The following TMEM255B variants were observed in gnomAD, a reference collection of about 807,000 sequenced individuals.
TMEM255B encodes family with sequence similarity 70, member B.
Under a neutral mutation model 34.5 loss-of-function variants are expected in TMEM255B, and 35 were observed. That is an observed-to-expected ratio of 1.01 (90% CI 0.77 to 1.34). The LOEUF (loss-of-function observed/expected upper bound fraction) is 1.34. TMEM255B is among the 40% of genes most tolerant of loss of function. The pLI is 0.00. For missense variants in TMEM255B, 432 were observed against 433.2 expected (o/e 1.00, Z 0.02); for synonymous variants, 206 against 201.2 (o/e 1.02, Z -0.20).
chr13:113,812,921 T>G lies in TMEM255B; in HGVS notation c.*1018T>G, dbSNP rs1400189595. ...GGGTGAGTCACAGGCCCCGGGTGAG[T>G]CACGGGTCCCGGGTGGGTCACGGGT... On this transcript the variant is annotated 3_prime_UTR_variant, in exon 9 of 9. Transcript: ENST00000375353. 1 of 111,890 alleles carries G rather than the reference T, an allele frequency of 8.9e-6. No homozygotes were observed. The allele number at this position is 111,890 out of a possible 1,614,324, so 6.9% of individuals were successfully genotyped here. A position where few individuals can be genotyped will look rare whatever the true frequency, so the allele number is the denominator to read the frequency against.
At position 113,811,708 on chromosome 13, in the gene TMEM255B, A is replaced by G. The variant is rs983127887; in HGVS notation, c.814-28A>G. 6 of 1,612,320 alleles carry G rather than the reference A, an allele frequency of 3.7e-6. No individual in the cohort carries two copies. The African/African-American group carries it at 8.0e-5, about 22-fold the overall frequency. On this transcript the variant is annotated intron_variant, in intron 8 of 8. Coordinates refer to ENST00000375353, the MANE Select transcript of TMEM255B (RefSeq NM_182614.4). The stretch of plus-strand genomic sequence containing the variant: ...CCGGCACGGGGTGGTCTCACCTGCT[A>G]ACCCAGGGCCCTCTCTGTTTATTGC...
intron 5 of TMEM255B, among the ~76,000 whole-genome samples, chr13:113,800,301 C>G (rs1484223287): frequency 7.1e-4 from 69 of 97,100 alleles, no homozygotes; most frequent in Admixed American, 1.5e-3. Context: ...GAGGCGTCCT[C>G]TGTGTGTGTG....
chr13:113,790,993 T>G (rs1490199758), intron 3 of TMEM255B, among the ~76,000 whole-genome samples: 1 of 152,260 alleles, frequency 6.6e-6, no homozygotes, highest in Non-Finnish European at 1.5e-5. Flanking sequence ...GGAAGTGTTA[T>G]GCATGACCAA....
At chr13:113,787,284 A>G (rs753689529) in intron 3 of TMEM255B, among the ~76,000 whole-genome samples, 45 of 152,200 alleles carry the variant, frequency 3.0e-4, no homozygotes, top group African/African-American at 3.4e-4. Context: ...TCACTTATTT[A>G]TTAGCATTTG....
chr13:113,759,316 G>C lies in TMEM255B; in HGVS notation c.46+1G>C. The C allele has an allele frequency of 8.1e-7, 1 of 1,229,582 alleles. No homozygotes were observed. The highest frequency in any genetic ancestry group is 3.2e-5 in the East Asian group (1 of 31,584). 76.2% of individuals were successfully genotyped at this position (1,229,582 alleles called of 1,614,324 possible). ...CCCCTGGGCCTGCTGGACCCCGCAG[G>C]TGAGCGCGGGGCTGGGGGCTCGTCT... On this transcript the variant is annotated splice_donor_variant, in intron 1 of 8. Transcript: ENST00000375353. LOFTEE classifies it high-confidence loss of function.
At position 113,812,237 on chromosome 13, in the gene TMEM255B, C is replaced by G. The variant is rs9577878; in HGVS notation, c.*334C>G. On this transcript the variant is annotated 3_prime_UTR_variant, in exon 9 of 9. Transcript: ENST00000375353. ...AGCTATTATTATGATTTTGCAAAGA[C>G]AGTGCAGCCCCGGCCTCCCTGCCTG... 27,590 of 336,574 alleles carry G rather than the reference C, an allele frequency of 0.082. 1,354 individuals are homozygous for G. The highest frequency in any genetic ancestry group is 0.15 in the Admixed American group (3,197 of 21,616). 20.8% of individuals were successfully genotyped at this position (336,574 alleles called of 1,614,324 possible).
At chr13:113,800,091 TGTGTGG>T (rs2051016517) in intron 5 of TMEM255B, 2 of 1,130,578 alleles carry the variant, frequency 1.8e-6, no homozygotes, top group Non-Finnish European at 2.2e-6. Flanking sequence ...TATGTGTGTG[TGTGTGG>T]GGGGGGGTAG....
intron 1 of TMEM255B, among the ~76,000 whole-genome samples, chr13:113,762,830 G>A (rs1486292164): frequency 6.6e-6 from 1 of 152,212 alleles, no homozygotes; most frequent in East Asian, 1.9e-4. Flanking sequence ...CGAAGCAGAC[G>A]CTGAGTCATC....
intron 4 of TMEM255B, among the ~76,000 whole-genome samples, chr13:113,798,524 GGATGGAT>G (rs1335482043): frequency 3.3e-5 from 5 of 151,480 alleles, no homozygotes; most frequent in African/African-American, 1.2e-4. Context: ...ATGAATGGAA[GGATGGAT>G]GATGGATGTG....
intron 2 of TMEM255B, 131 bp downstream of exon 2, chr13:113,766,388 G>A: frequency 7.6e-7 from 1 of 1,319,618 alleles, no homozygotes; most frequent in Non-Finnish European, 1.1e-6. Context: ...CTTGTGGTCG[G>A]CAGGGTTATG....
At position 113,769,220 on chromosome 13, in the gene TMEM255B, G is replaced by A; in HGVS notation, c.252+60G>A. 1 of 1,580,476 alleles carries A rather than the reference G, an allele frequency of 6.3e-7. No homozygotes were observed. Among genetic ancestry groups the A allele is most frequent in the Non-Finnish European group, 8.7e-7 (1 of 1,149,802 alleles). On this transcript the variant is annotated intron_variant, in intron 3 of 8. Transcript: ENST00000375353. The surrounding 1 kb of genome is among the most constrained non-coding windows in gnomAD (Gnocchi z 4.2). ...TCCCTCATCAGGGGATGGTACAGCT[G>A]CACTGGGGCTCTGAGAAGAGTCAGC...
rs539468261 is a variant in TMEM255B at position 113,774,771 on chromosome 13, A to C, written c.252+5611A>C. Among the ~76,000 whole-genome samples the C allele has an allele frequency of 4.0e-3, 567 of 142,716 alleles. 2 individuals carry two copies. Among genetic ancestry groups the C allele is most frequent in the African/African-American group, 0.014 (536 of 38,048 alleles). 93.6% of individuals were successfully genotyped at this position (142,716 alleles called of 152,430 possible). A position where few individuals can be genotyped will look rare whatever the true frequency, so the allele number is the denominator to read the frequency against. On this transcript the variant is annotated intron_variant, in intron 3 of 8. Coordinates refer to ENST00000375353, the MANE Select transcript of TMEM255B (RefSeq NM_182614.4). ...ACTACACACACCACACACCACACAC[A>C]ACACACAATACACAATACACGCTCC...
intron 1 of TMEM255B, among the ~76,000 whole-genome samples, chr13:113,765,084 A>G (rs1221443616): frequency 6.6e-6 from 1 of 152,186 alleles, no homozygotes; most frequent in Non-Finnish European, 1.5e-5. Context: ...AAAGCGATTT[A>G]GGATGAGATT....
intron 3 of TMEM255B, among the ~76,000 whole-genome samples, chr13:113,793,640 G>A (rs1022154087): frequency 4.6e-5 from 7 of 152,344 alleles, no homozygotes; most frequent in Middle Eastern, 3.4e-3. Context: ...AGGTGGCATC[G>A]GTGACTGCCA....
At position 113,812,062 on chromosome 13, in the gene TMEM255B, C is replaced by A; in HGVS notation, c.*159C>A. 1.0e-6 allele frequency: 1 copy of A among 986,258 alleles called. No individual in the cohort carries two copies. The highest frequency in any genetic ancestry group is 1.5e-6 in the Non-Finnish European group (1 of 680,276). 61.1% of individuals were successfully genotyped at this position (986,258 alleles called of 1,614,324 possible). A position where few individuals can be genotyped will look rare whatever the true frequency, so the allele number is the denominator to read the frequency against. On this transcript the variant is annotated 3_prime_UTR_variant, in exon 9 of 9. Coordinates refer to ENST00000375353, the MANE Select transcript of TMEM255B (RefSeq NM_182614.4). ...TCCCTGGGCACACTGGTGAGGGAGG[C>A]TGGAACCAGGCAGGGAGTGGGGCCC...
chr13:113,810,753 C>T lies in TMEM255B; in HGVS notation c.814-983C>T, dbSNP rs184797976. On this transcript the variant is annotated intron_variant, in intron 8 of 8. Transcript: ENST00000375353. ...CGTGTCCAGGGGCTGAGGCACTGTA[C>T]GCAAGGGTGTCAATCACACCTGAAG... Among the ~76,000 whole-genome samples, 195 of 152,278 alleles carry T rather than the reference C, an allele frequency of 1.3e-3. 1 individual carries two copies. Among genetic ancestry groups the T allele is most frequent in the African/African-American group, 3.8e-3 (156 of 41,554 alleles).
At chr13:113,778,814 C>G (rs775225388) in intron 3 of TMEM255B, among the ~76,000 whole-genome samples, 2 of 152,236 alleles carry the variant, frequency 1.3e-5, no homozygotes, top group Non-Finnish European at 2.9e-5. Flanking sequence ...CTAGCCTGGG[C>G]AGGGCCTCCA....
rs2051342843 is a variant in TMEM255B at position 113,812,874 on chromosome 13, T to TGGGTCACAGGC, written c.*971_*972insGGGTCACAGGC. ...ACAGGCATCCCGGGTGGGTCACAGGTCCCGAGTGGGTCACAGGCCCCGGGT... is the reference window on the plus strand; with the variant it reads ...ACAGGCATCCCGGGTGGGTCACAGGTGGGTCACAGGCCCCGAGTGGGTCACAGGCCCCGGGT... On this transcript the variant is annotated 3_prime_UTR_variant, in exon 9 of 9. Coordinates refer to ENST00000375353, the MANE Select transcript of TMEM255B (RefSeq NM_182614.4). The TGGGTCACAGGC allele has an allele frequency of 7.8e-6, 1 of 128,366 alleles. No homozygotes were observed. Among genetic ancestry groups the TGGGTCACAGGC allele is most frequent in the Non-Finnish European group, 1.5e-5 (1 of 65,862 alleles). The allele number at this position is 128,366 out of a possible 1,614,324, so 8.0% of individuals were successfully genotyped here.
At chr13:113,778,278 G>A (rs556634229) in intron 3 of TMEM255B, among the ~76,000 whole-genome samples, 26 of 152,352 alleles carry the variant, frequency 1.7e-4, no homozygotes, top group Admixed American at 1.6e-3. Context: ...TCATCTCCCA[G>A]CAAGATGAGA....
Sources: gnomAD v4.1 joint callset for allele counts (sites outside exome capture counted in the v4.1 genomes callset) on GRCh38, gnomAD v4.1.1 for gene constraint, Gnocchi (gnomAD v3.1) non-coding constraint, MANE v1.5 for transcripts, NCBI Gene and HGNC (gene_info 2026-07-23, HGNC 2026-07-21) for gene names.